LRRC3B: variants seen among roughly 807,000 people sequenced by gnomAD.
LRRC3B encodes the protein leucine-rich repeat-containing protein 3B.
In LRRC3B, 2 loss-of-function variants were observed where a neutral mutation model predicts 12.8. That is an observed-to-expected ratio of 0.16 (90% CI 0.06 to 0.49). The LOEUF (loss-of-function observed/expected upper bound fraction) is 0.49. LRRC3B is among the 20% of genes least tolerant of loss of function. LRRC3B has a pLI of 0.96. For missense variants in LRRC3B, 189 were observed against 319.4 expected (o/e 0.59, Z 3.11); for synonymous variants, 132 against 122.0 (o/e 1.08, Z -0.54).
At chr3:26,649,637 C>A (rs1220775245) in intron 1 of LRRC3B, among the ~76,000 whole-genome samples, 1 of 152,188 alleles carries the variant, frequency 6.6e-6, no homozygotes, top group Admixed American at 6.5e-5. Context: ...ATTCACTGCT[C>A]CTTCTCCTTC....
chr3:26,636,896 CTCTCTCTT>C (rs1313899219), intron 1 of LRRC3B, among the ~76,000 whole-genome samples: 21 of 94,684 alleles, frequency 2.2e-4, no homozygotes, highest in Non-Finnish European at 3.5e-4. Flanking sequence ...CTTTCTCTCT[CTCTCTCTT>C]TCTCTCTTTC....
At position 26,671,371 on chromosome 3, in the gene LRRC3B, T is replaced by TAGAG. The variant is rs1207421811; in HGVS notation, c.-160-38141_-160-38140insGAGA. 6.3e-3 allele frequency among the ~76,000 whole-genome samples: 228 copies of TAGAG among 35,934 alleles called. 5 individuals are homozygous for TAGAG. The highest frequency in any genetic ancestry group is 0.014 in the East Asian group (8 of 592). 23.6% of individuals were successfully genotyped at this position (35,934 alleles called of 152,430 possible). A position where few individuals can be genotyped will look rare whatever the true frequency, so the allele number is the denominator to read the frequency against. On this transcript the variant is annotated intron_variant, in intron 1 of 1. Coordinates refer to ENST00000396641, the Ensembl canonical transcript of LRRC3B. ...GTGTGTATATATATATATATATATATATAGAGAGAGAGAGAGAGAGAGAGA... is the reference window on the plus strand; with the variant it reads ...GTGTGTATATATATATATATATATATAGAGATAGAGAGAGAGAGAGAGAGAGAGA...
intron 1 of LRRC3B, among the ~76,000 whole-genome samples, chr3:26,635,836 A>C (rs1354731708): frequency 6.6e-6 from 1 of 152,264 alleles, no homozygotes; most frequent in African/African-American, 2.4e-5. Context: ...TGAATCAATG[A>C]ACACTAATGA....
In LRRC3B at chr3:26,641,580, C is replaced by G. The variant is rs185784012; in HGVS notation, c.-161+18343C>G. Among the ~76,000 whole-genome samples, 29 of 152,158 alleles carry G rather than the reference C, an allele frequency of 1.9e-4. No individual in the cohort carries two copies. The East Asian group carries it at 5.2e-3, about 27-fold the overall frequency. On this transcript the variant is annotated intron_variant, in intron 1 of 1. Coordinates refer to ENST00000396641, the Ensembl canonical transcript of LRRC3B. Reference sequence around the variant, plus strand: ...AACCACTGCAGTTGGCTTAGGAAACCCGAGCTGGAAGTGGCAGGATGGAAC... The same window carrying G: ...AACCACTGCAGTTGGCTTAGGAAACGCGAGCTGGAAGTGGCAGGATGGAAC...
chr3:26,655,115 C>A (rs765599806), intron 1 of LRRC3B, among the ~76,000 whole-genome samples: 1 of 152,134 alleles, frequency 6.6e-6, no homozygotes, highest in Admixed American at 6.5e-5. Context: ...CAATGGAAAA[C>A]TAGTGCCACT....
intron 1 of LRRC3B, among the ~76,000 whole-genome samples, chr3:26,652,222 T>C (rs746663395): frequency 6.6e-6 from 1 of 152,198 alleles, no homozygotes; most frequent in African/African-American, 2.4e-5. Context: ...ACTGTATATA[T>C]GTGGAATAAC....
intron 1 of LRRC3B, among the ~76,000 whole-genome samples, chr3:26,706,013 A>G (rs1346613361): frequency 6.6e-6 from 1 of 152,140 alleles, no homozygotes; most frequent in Non-Finnish European, 1.5e-5. Flanking sequence ...AAAGCAATAG[A>G]AATTTATTTC....
chr3:26,629,423 G>A (rs1349516039), intron 1 of LRRC3B, among the ~76,000 whole-genome samples: 1 of 152,250 alleles, frequency 6.6e-6, no homozygotes, highest in East Asian at 1.9e-4. Context: ...CAAAGGTCAT[G>A]AGGTCTCATG....
chr3:26,655,760 G>A (rs754975927), intron 1 of LRRC3B, among the ~76,000 whole-genome samples: 63 of 152,170 alleles, frequency 4.1e-4, no homozygotes, highest in Admixed American at 7.2e-4. Flanking sequence ...ATGCTCAGTA[G>A]TACATTATAT....
chr3:26,704,122 C>A lies in LRRC3B; in HGVS notation c.-160-5391C>A, dbSNP rs557347927. 3.9e-5 allele frequency among the ~76,000 whole-genome samples: 6 copies of A among 152,036 alleles called. No homozygotes were observed. The South Asian group carries it at 1.2e-3, about 32-fold the overall frequency. ...TCTGATATACCCTTTTGGAAGTGAT[C>A]TATGCATATGTAAACATATTAATTG... On this transcript the variant is annotated intron_variant, in intron 1 of 1. Transcript: ENST00000396641.
chr3:26,662,749 C>A (rs1040733207), intron 1 of LRRC3B, among the ~76,000 whole-genome samples: 8 of 152,106 alleles, frequency 5.3e-5, no homozygotes, highest in Non-Finnish European at 1.2e-4. Context: ...TTCTTGTCAC[C>A]TTGCCACCAA....
chr3:26,680,237 C>T (rs1441209460), intron 1 of LRRC3B, among the ~76,000 whole-genome samples: 22 of 152,116 alleles, frequency 1.4e-4, no homozygotes, highest in Admixed American at 1.4e-3. Context: ...TACCACCTCT[C>T]CACCCCCACT....
At chr3:26,704,699 C>G (rs979982559) in intron 1 of LRRC3B, among the ~76,000 whole-genome samples, 3 of 151,992 alleles carry the variant, frequency 2.0e-5, no homozygotes, top group African/African-American at 7.2e-5. Flanking sequence ...CTGTTGCACC[C>G]AGCTCTCCAT....
intron 1 of LRRC3B, among the ~76,000 whole-genome samples, chr3:26,691,060 T>C (rs1294479742): frequency 7.6e-5 from 11 of 143,918 alleles, no homozygotes; most frequent in South Asian, 2.2e-4. Context: ...TATATGTACA[T>C]ACATATATAT....
chr3:26,710,084 G>A, exon 2 of LRRC3B: 2 of 1,614,008 alleles, frequency 1.2e-6, no homozygotes, highest in Non-Finnish European at 8.5e-7. Context: ...TAACCTGAAG[G>A]CCAGGGCCAG....
intron 1 of LRRC3B, among the ~76,000 whole-genome samples, chr3:26,682,567 C>T (rs1699992900): frequency 6.6e-6 from 1 of 152,132 alleles, no homozygotes; most frequent in African/African-American, 2.4e-5. Context: ...TATTTTCCCC[C>T]AGGAGGTCCT....
intron 1 of LRRC3B, among the ~76,000 whole-genome samples, chr3:26,671,373 T>TATATATATATAGAGAGAGAGAG (rs1261897533): frequency 1.8e-4 from 5 of 28,254 alleles, no homozygotes; most frequent in Non-Finnish European, 1.8e-4. Flanking sequence ...TATATATATA[T>TATATATATATAGAGAGAGAGAG]AGAGAGAGAG....
At chr3:26,625,883 G>C (rs1698613749) in intron 1 of LRRC3B, among the ~76,000 whole-genome samples, 1 of 152,208 alleles carries the variant, frequency 6.6e-6, no homozygotes, top group Admixed American at 6.5e-5. Context: ...TCATGTTATA[G>C]ATGGAGAAAC....
chr3:26,653,795 C>T (rs1699314295), intron 1 of LRRC3B, among the ~76,000 whole-genome samples: 1 of 152,100 alleles, frequency 6.6e-6, no homozygotes, highest in Admixed American at 6.5e-5. Flanking sequence ...GCAGACTGTA[C>T]CCATATGTGT....
Sources: gnomAD v4.1 joint callset for allele counts (sites outside exome capture counted in the v4.1 genomes callset) on GRCh38, gnomAD v4.1.1 for gene constraint, MANE v1.5 for transcripts, NCBI Gene and HGNC (gene_info 2026-07-23, HGNC 2026-07-21) for gene names.